Variants in PRPF3 observed in about 807,000 individuals in gnomAD.
PRPF3 encodes the protein pre-mRNA processing factor 3, also known as U4/U6 small nuclear ribonucleoprotein Prp3.
Under a neutral mutation model 89.2 loss-of-function variants are expected in PRPF3, and 3 were observed. The ratio of observed to expected loss-of-function variants is 0.03; its 90% CI spans 0.02 to 0.09. The LOEUF (loss-of-function observed/expected upper bound fraction) is 0.09, where lower values mean the gene tolerates loss of function less well. PRPF3 is among the 10% of genes least tolerant of loss of function. The pLI, the probability that PRPF3 is intolerant of heterozygous loss-of-function variation, is 1.00. For synonymous variants in PRPF3, 270 were observed against 289.1 expected (o/e 0.93, Z 0.67); for missense variants, 463 against 828.8 (o/e 0.56, Z 5.42).
At chr1:150,332,915 G>T (rs1656574732) in intron 5 of PRPF3, 64 bp from the exon 6 acceptor site, 1 of 1,515,718 alleles carries the variant, frequency 6.6e-7, no homozygotes, top group African/African-American at 1.4e-5. Flanking sequence ...GTATATCTGT[G>T]TGTATGTATG....
intron 15 of PRPF3, 22 bp downstream of exon 15, chr1:150,349,240 AT>A (rs1560121417): frequency 1.9e-5 from 30 of 1,598,828 alleles, no homozygotes; most frequent in Non-Finnish European, 2.4e-5. Flanking sequence ...TTTGTAAAAC[AT>A]TGTAAAACTT....
At chr1:150,324,240 T>C (rs1553863050) in intron 1 of PRPF3, among the ~76,000 whole-genome samples, 2 of 152,200 alleles carry the variant, frequency 1.3e-5, no homozygotes, top group Non-Finnish European at 2.9e-5. Flanking sequence ...AAAGCTGGCC[T>C]CTGGATGGGC....
chr1:150,329,878 G>C (rs1436615415), intron 4 of PRPF3: 1 of 152,218 alleles, frequency 6.6e-6, no homozygotes, highest in African/African-American at 2.4e-5. Flanking sequence ...TCCTGCCTCA[G>C]CCTCCTAAGT....
At chr1:150,323,779 C>CTTT (rs781936072) in intron 1 of PRPF3, among the ~76,000 whole-genome samples, 26,645 of 126,088 alleles carry the variant, frequency 0.21, 4,133 homozygotes, top group African/African-American at 0.29. Context: ...ACAGAACATT[C>CTTT]TTTTTTTTTT....
rs587699756 is a variant in PRPF3 at position 150,334,998 on chromosome 1, T to C, written c.792T>C (p.Thr264=). ...TGATCCTGGATGAGCAAGGGCGCAC[T>C]GTAGATGCAACAGGCAAGGAGATTG... ...TPLILDEQGR[T]VDATGKEIEL... Residue 264 remains threonine (T), a synonymous_variant, in exon 7 of 16, where the codon ACT becomes ACC. Coordinates refer to ENST00000324862, the MANE Select transcript of PRPF3 (RefSeq NM_004698.4). The C allele has an allele frequency of 3.8e-5, 62 of 1,614,106 alleles. No homozygotes were observed. The South Asian group carries it at 3.8e-4, about 10-fold the overall frequency.
At chr1:150,335,301 A>T (rs1656844142) in intron 7 of PRPF3, 60 bp downstream of exon 7, 2 of 1,542,878 alleles carry the variant, frequency 1.3e-6, no homozygotes. Context: ...ACAAGAAAAC[A>T]TTGTTAAATC....
At chr1:150,349,584 A>G (rs2102027062) in intron 15 of PRPF3, among the ~76,000 whole-genome samples, 1 of 152,288 alleles carries the variant, frequency 6.6e-6, no homozygotes, top group East Asian at 1.9e-4. Context: ...TAGACTTAAG[A>G]ATATAAAGTT....
intron 3 of PRPF3, among the ~76,000 whole-genome samples, chr1:150,326,891 A>G (rs938361176): frequency 3.9e-5 from 6 of 152,054 alleles, no homozygotes; most frequent in African/African-American, 1.4e-4. Context: ...GTATCACAAA[A>G]TATATATTCA....
intron 1 of PRPF3, 99 bp from the exon 2 acceptor site, chr1:150,324,796 C>G: frequency 1.1e-6 from 1 of 911,502 alleles, no homozygotes; most frequent in Non-Finnish European, 1.6e-6. Flanking sequence ...GTCCATCCAC[C>G]TTGGCCTCCC....
Position 150,324,892 on chromosome 1 carries a change from T to TTTTTTG in PRPF3, c.-48-3_-48-2insTTTTTG. On this transcript the variant is annotated splice_region_variant and splice_polypyrimidine_tract_variant and intron_variant, in intron 1 of 15. Coordinates refer to ENST00000324862, the MANE Select transcript of PRPF3 (RefSeq NM_004698.4). ...CTCTAACTTGTCTCTTTTTTTTTTT[T>TTTTTTG]AGGTGTAGTATTGAGTCCTGTTTGA... 2 of 1,580,224 alleles carry TTTTTTG rather than the reference T, an allele frequency of 1.3e-6. No individual in the cohort carries two copies. The highest frequency in any genetic ancestry group is 1.7e-6 in the Non-Finnish European group (2 of 1,164,126).
chr1:150,326,210 T>G (rs1047668893), intron 3 of PRPF3, among the ~76,000 whole-genome samples: 1 of 152,208 alleles, frequency 6.6e-6, no homozygotes, highest in African/African-American at 2.4e-5. Context: ...TATCTTTGAT[T>G]TATTTGAGGC....
At chr1:150,332,917 G>GT in intron 5 of PRPF3, 62 bp from the exon 6 acceptor site, 1 of 1,521,292 alleles carries the variant, frequency 6.6e-7, no homozygotes, top group East Asian at 2.3e-5. Context: ...ATATCTGTGT[G>GT]TATGTATGTG....
At position 150,335,181 on chromosome 1, in the gene PRPF3, C is replaced by T. The variant is rs782167491; in HGVS notation, c.975C>T (p.Arg325=). The part of the protein sequence containing the change: ...VSIAPSQRQR[R]TFKFHDKGKF... ...TTGCCCCTTCCCAGCGCCAGAGACG[C>T]ACTTTTAAATTCCATGACAAGGGCA... Residue 325 remains arginine, a synonymous_variant, in exon 7 of 16, where the codon CGC becomes CGT. Coordinates refer to ENST00000324862, the MANE Select transcript of PRPF3 (RefSeq NM_004698.4). 1.2e-6 allele frequency: 2 copies of T among 1,614,086 alleles called. No individual in the cohort carries two copies. The highest frequency in any genetic ancestry group is 1.1e-5 in the South Asian group (1 of 91,076).
At chr1:150,352,356 C>T (rs896350751) in intron 15 of PRPF3, among the ~76,000 whole-genome samples, 12 of 152,272 alleles carry the variant, frequency 7.9e-5, no homozygotes, top group Admixed American at 3.9e-4. Context: ...CATATGAATT[C>T]GTAAAATCTC....
intron 12 of PRPF3, chr1:150,345,683 G>A: frequency 2.8e-6 from 1 of 359,048 alleles, no homozygotes; most frequent in South Asian, 2.2e-5. Flanking sequence ...TAAGGGTCTA[G>A]AGGACAAAAA....
chr1:150,323,761 G>A (rs191708451), intron 1 of PRPF3, among the ~76,000 whole-genome samples: 2 of 146,782 alleles, frequency 1.4e-5, no homozygotes, highest in East Asian at 4.1e-4. Context: ...TGACCACAGA[G>A]AAATGTGACA....
chr1:150,333,295 C>T (rs587768188), intron 6 of PRPF3, 96 bp downstream of exon 6: 1 of 1,362,448 alleles, frequency 7.3e-7, no homozygotes, highest in East Asian at 2.5e-5. Flanking sequence ...CGCAGTGCCT[C>T]AGGCCTGTAA....
rs1299960668 is a variant in PRPF3 at position 150,349,026 on chromosome 1, A to G, written c.1844-131A>G. On this transcript the variant is annotated intron_variant, in intron 14 of 15. Coordinates refer to ENST00000324862, the MANE Select transcript of PRPF3 (RefSeq NM_004698.4). Reference sequence around the variant, plus strand: ...TCTAATTTGGGGAAAATAAAGAGCAACAGAAAAGAGAACACTTGGTCCAAC... The same window carrying G: ...TCTAATTTGGGGAAAATAAAGAGCAGCAGAAAAGAGAACACTTGGTCCAAC... 5.0e-6 allele frequency: 4 copies of G among 802,978 alleles called. No individual in the cohort carries two copies. The East Asian group carries it at 9.8e-5, about 20-fold the overall frequency. 49.7% of individuals were successfully genotyped at this position (802,978 alleles called of 1,614,324 possible). A position where few individuals can be genotyped will look rare whatever the true frequency, so the allele number is the denominator to read the frequency against.
intron 7 of PRPF3, among the ~76,000 whole-genome samples, chr1:150,336,239 A>G (rs1204932598): frequency 6.6e-6 from 1 of 152,182 alleles, no homozygotes; most frequent in Non-Finnish European, 1.5e-5. Context: ...AATGTGCAAC[A>G]TAGCCCCCTC....
Sources: allele counts gnomAD v4.1 joint callset (sites outside exome capture counted in the v4.1 genomes callset), GRCh38; gene constraint gnomAD v4.1.1; transcripts MANE v1.5; gene names NCBI Gene and HGNC (gene_info 2026-07-23, HGNC 2026-07-21).